The following DMRT1 variants were observed in gnomAD, a reference collection of about 807,000 sequenced individuals.
DMRT1 encodes doublesex- and mab-3-related transcription factor 1.
A neutral mutation model predicts 32.3 loss-of-function variants in DMRT1; 7 were observed. That is an observed-to-expected ratio of 0.22 (90% confidence interval 0.12 to 0.41). The LOEUF is 0.41. Ranked by LOEUF, DMRT1 falls within the 10% of genes least tolerant of loss-of-function variation. DMRT1 has a pLI of 1.00. For missense variants in DMRT1, 625 were observed against 500.5 expected, an observed-to-expected ratio of 1.25 and a Z score of -2.37; for synonymous variants, 278 against 206.1, an observed-to-expected ratio of 1.35 and a Z score of -2.99.
intron 2 of DMRT1, among the ~76,000 whole-genome samples, chr9:885,310 C>G (rs943611202): frequency 6.6e-6 from 1 of 152,182 alleles, no homozygotes; most frequent in Non-Finnish European, 1.5e-5. Flanking sequence ...CTTTCTGTAT[C>G]CCCTGGTTCT....
At chr9:887,664 T>C (rs1164708660) in intron 2 of DMRT1, among the ~76,000 whole-genome samples, 3 of 152,174 alleles carry the variant, frequency 2.0e-5, no homozygotes, top group African/African-American at 7.2e-5. Flanking sequence ...TATTCTCCTT[T>C]TTTTGAGTGT....
intron 2 of DMRT1, among the ~76,000 whole-genome samples, chr9:891,959 G>A (rs184604947): frequency 2.6e-5 from 4 of 152,310 alleles, no homozygotes; most frequent in Non-Finnish European, 4.4e-5. Flanking sequence ...TGGTGTGCCC[G>A]GAGGCTGGGT....
intron 4 of DMRT1, among the ~76,000 whole-genome samples, chr9:925,928 T>C (rs7032931): frequency 0.71 from 108,671 of 152,062 alleles, 39,472 homozygotes; most frequent in South Asian, 0.89. Context: ...ACCCTCATGT[T>C]TTAAGTATTT....
chr9:858,990 C>A (rs1047583126), intron 2 of DMRT1, among the ~76,000 whole-genome samples: 3 of 151,796 alleles, frequency 2.0e-5, no homozygotes, highest in African/African-American at 7.3e-5. Flanking sequence ...CCAGAACTTC[C>A]CAGACAGAAA....
At chr9:859,771 T>C (rs1376139596) in intron 2 of DMRT1, among the ~76,000 whole-genome samples, 1 of 152,116 alleles carries the variant, frequency 6.6e-6, no homozygotes, top group African/African-American at 2.4e-5. Flanking sequence ...TGTAAGAAAC[T>C]CTTAAAGTAG....
chr9:967,266 C>A (rs929628751), intron 4 of DMRT1, among the ~76,000 whole-genome samples: 25 of 152,182 alleles, frequency 1.6e-4, no homozygotes, highest in Non-Finnish European at 3.4e-4. Flanking sequence ...GCAAAAGTTG[C>A]TTAACACATT....
chr9:842,290 A>G, intron 1 of DMRT1, 98 bp downstream of exon 1: 1 of 1,423,618 alleles, frequency 7.0e-7, no homozygotes, highest in Non-Finnish European at 9.2e-7. Flanking sequence ...GCTGCAGTGT[A>G]GTGGCGCGAT....
intron 2 of DMRT1, among the ~76,000 whole-genome samples, chr9:867,842 C>T (rs1206729322): frequency 6.6e-6 from 1 of 152,152 alleles, no homozygotes; most frequent in African/African-American, 2.4e-5. Flanking sequence ...ATTTTCCTTT[C>T]TTGAGATATA....
chr9:902,782 C>CG (rs1817639098), intron 3 of DMRT1, among the ~76,000 whole-genome samples: 2 of 152,282 alleles, frequency 1.3e-5, no homozygotes, highest in South Asian at 4.2e-4. Flanking sequence ...AGCCACCATG[C>CG]CCAGCTTTCC....
intron 3 of DMRT1, among the ~76,000 whole-genome samples, chr9:905,109 G>A (rs894697149): frequency 1.3e-5 from 2 of 152,168 alleles, no homozygotes; most frequent in African/African-American, 4.8e-5. Flanking sequence ...TCCAGTGCAT[G>A]GTGATAGATT....
In DMRT1 at chr9:890,175, C is replaced by G. The variant is rs1412963500; in HGVS notation, c.539-3737C>G. On this transcript the variant is annotated intron_variant, in intron 2 of 4. Transcript: ENST00000382276. ...GTGATCTTGGCTCAGGCCGACTGAG[C>G]TGAGATCTCAGGCCGCCCGCCTCAG... 2.1e-5 allele frequency among the ~76,000 whole-genome samples: 3 copies of G among 142,020 alleles called. No individual in the cohort carries two copies. In the East Asian group the frequency reaches 6.5e-4, roughly 31 times the overall value. The allele number at this position is 142,020 out of a possible 152,430, so 93.2% of individuals were successfully genotyped here.
intron 2 of DMRT1, among the ~76,000 whole-genome samples, chr9:852,088 C>T (rs1207085668): frequency 6.6e-6 from 1 of 151,790 alleles, no homozygotes; most frequent in East Asian, 1.9e-4. Context: ...TACAGGCGAT[C>T]ACCACCACCC....
intron 2 of DMRT1, among the ~76,000 whole-genome samples, chr9:850,500 A>G (rs1307923480): frequency 6.6e-6 from 1 of 152,240 alleles, no homozygotes; most frequent in East Asian, 1.9e-4. Flanking sequence ...GTGGAGTACA[A>G]AAATATATTC....
intron 2 of DMRT1, among the ~76,000 whole-genome samples, chr9:865,154 G>T (rs1013647867): frequency 1.3e-5 from 2 of 152,186 alleles, no homozygotes; most frequent in African/African-American, 2.4e-5. Context: ...TTCCCTGAGA[G>T]AATGGTATAT....
chr9:911,470 ATTTTTTTTT>A (rs201141931), intron 3 of DMRT1, among the ~76,000 whole-genome samples: 16 of 66,998 alleles, frequency 2.4e-4, no homozygotes, highest in East Asian at 2.2e-3. Context: ...GGTTAATTGC[ATTTTTTTTT>A]TTTTTTTTTT....
At chr9:862,671 C>T (rs1359887445) in intron 2 of DMRT1, among the ~76,000 whole-genome samples, 2 of 151,992 alleles carry the variant, frequency 1.3e-5, no homozygotes, top group African/African-American at 4.8e-5. Flanking sequence ...GGGGTGGTGG[C>T]AGTAGAGATG....
rs748369664 is a variant in DMRT1 at position 842,008 on chromosome 9, G to T, written c.170G>T (p.Gly57Val). 8 of 1,554,606 alleles carry T rather than the reference G, an allele frequency of 5.1e-6. No homozygotes were observed. Among genetic ancestry groups the T allele is most frequent in the Non-Finnish European group, 6.1e-6 (7 of 1,151,834 alleles). ...GGCAGCAGCAGAGGAGGCGGCTCCG[G>T]CTCCGGGGCGTCGGACCTGGGTGCC... ...AGGSSRGGGS[G>V]SGASDLGAGS... Residue 57 changes from glycine (G) to valine (V), a missense_variant, in exon 1 of 5, where the codon GGC (glycine) becomes GTC (valine). Coordinates refer to ENST00000382276, the MANE Select transcript of DMRT1 (RefSeq NM_021951.3).
chr9:956,850 A>G (rs1349932023), intron 4 of DMRT1, among the ~76,000 whole-genome samples: 1 of 152,192 alleles, frequency 6.6e-6, no homozygotes, highest in African/African-American at 2.4e-5. Flanking sequence ...CCCAGAGATC[A>G]TAGGTGGTTG....
chr9:863,379 A>G (rs956571398), intron 2 of DMRT1, among the ~76,000 whole-genome samples: 2 of 151,408 alleles, frequency 1.3e-5, no homozygotes, highest in Admixed American at 6.6e-5. Context: ...GGCTGCAACT[A>G]GAGATGCCAT....
Sources: gnomAD v4.1 joint callset for allele counts (sites outside exome capture counted in the v4.1 genomes callset) on GRCh38, gnomAD v4.1.1 for gene constraint, MANE v1.5 for transcripts, NCBI Gene and HGNC (gene_info 2026-07-23, HGNC 2026-07-21) for gene names.